CUBN: variants seen among roughly 807,000 people sequenced by gnomAD.
CUBN encodes 460 kDa receptor.
CUBN carries 282 observed loss-of-function variants against 405.3 expected under a neutral mutation model. That is an observed-to-expected ratio of 0.70 (90% confidence interval 0.63 to 0.77). CUBN has a LOEUF of 0.77. Among genes scored for constraint, CUBN ranks in the 30% least tolerant of loss-of-function variants. The pLI, the probability that CUBN is intolerant of heterozygous loss-of-function variation, is 0.00. For missense variants in CUBN, 4,514 were observed against 4,475.2 expected (o/e 1.01, Z -0.25); for synonymous variants, 1,684 against 1,617.0 (o/e 1.04, Z -0.99).
At chr10:16,910,516 T>C (rs1020844447) in intron 48 of CUBN, among the ~76,000 whole-genome samples, 3 of 152,092 alleles carry the variant, frequency 2.0e-5, no homozygotes, top group African/African-American at 7.2e-5. Flanking sequence ...AAAAGACCTG[T>C]GGATATGACA....
intron 55 of CUBN, among the ~76,000 whole-genome samples, chr10:16,889,500 T>C (rs1345336622): frequency 6.6e-6 from 1 of 152,152 alleles, no homozygotes; most frequent in Non-Finnish European, 1.5e-5. Flanking sequence ...TAGTGTACAA[T>C]AGCTAGAAAA....
At chr10:17,070,720 C>T (rs976451852) in intron 19 of CUBN, among the ~76,000 whole-genome samples, 3 of 152,250 alleles carry the variant, frequency 2.0e-5, no homozygotes, top group Non-Finnish European at 4.4e-5. Flanking sequence ...TCATAACCCA[C>T]AACTTGCTGA....
chr10:16,949,434 G>GGTTGTGT (rs1842866328), intron 34 of CUBN, among the ~76,000 whole-genome samples: 1 of 108,788 alleles, frequency 9.2e-6, no homozygotes. Context: ...TAAATGGCCT[G>GGTTGTGT]GTGTGTGTGT....
At chr10:17,037,944 T>TC in intron 27 of CUBN, among the ~76,000 whole-genome samples, 1 of 100,232 alleles carries the variant, frequency 1.0e-5, no homozygotes, top group East Asian at 2.0e-4. Flanking sequence ...ACAGTCACCT[T>TC]TTTTTTTTTT....
rs765301342 is a variant in CUBN at position 16,937,601 on chromosome 10, TGGTA to T, written c.5913_5916del (p.Thr1972LeufsTer10). The T allele has an allele frequency of 1.3e-4, 207 of 1,613,686 alleles. 1 individual carries two copies. The highest frequency in any genetic ancestry group is 1.6e-4 in the Non-Finnish European group (190 of 1,179,806). On this transcript the variant is annotated frameshift_variant, in exon 39 of 67. Coordinates refer to ENST00000377833, the MANE Select transcript of CUBN (RefSeq NM_001081.4). LOFTEE classifies it high-confidence loss of function. ...TTATTACCAAACACACCTGGAGCAA[TGGTA>T]GGTAAAACACCATCAGGTGCATCCA...
At chr10:17,107,367 C>G (rs1404328242) in intron 10 of CUBN, among the ~76,000 whole-genome samples, 2 of 152,070 alleles carry the variant, frequency 1.3e-5, no homozygotes, top group Non-Finnish European at 2.9e-5. Flanking sequence ...TGGCAGTTAA[C>G]TACATTCCTC....
intron 62 of CUBN, 115 bp downstream of exon 62, chr10:16,840,215 A>C: frequency 1.1e-6 from 1 of 880,666 alleles, no homozygotes; most frequent in East Asian, 2.6e-5. Context: ...CTAAAACTTA[A>C]AGTATAATTA....
At chr10:17,006,379 C>G (rs1465345937) in intron 28 of CUBN, among the ~76,000 whole-genome samples, 1 of 152,152 alleles carries the variant, frequency 6.6e-6, no homozygotes, top group African/African-American at 2.4e-5. Flanking sequence ...CTTACTCACC[C>G]TCACACCCTA....
Position 17,084,312 on chromosome 10 carries a change from C to T in CUBN, c.2260G>A (p.Glu754Lys). The change falls in exon 17 of 67, where the codon GAG becomes AAG. Residue 754 changes from glutamate (E) to lysine (K), a missense_variant. Around this residue, in one of 5 missense-constraint regions of CUBN, gnomAD observed 1,448 missense variants for 1,388.0 expected, o/e 1.04. Transcript: ENST00000377833. ...EQIQINFTHV[E>K]LQCQSDSSQN... ...GAACTGTCACTCTGGCATTGCAGCT[C>T]CACGTGGGTGAAGTTGATTTGTATT... The T allele has an allele frequency of 1.2e-6, 2 of 1,614,102 alleles. No individual in the cohort carries two copies. Among genetic ancestry groups the T allele is most frequent in the Non-Finnish European group, 1.7e-6 (2 of 1,180,024 alleles).
intron 54 of CUBN, among the ~76,000 whole-genome samples, chr10:16,894,123 AG>A (rs1564408249): frequency 1.3e-5 from 2 of 152,214 alleles, no homozygotes; most frequent in African/African-American, 2.4e-5. Context: ...TATTTTACAT[AG>A]TAGTACATTG....
intron 31 of CUBN, among the ~76,000 whole-genome samples, chr10:16,973,379 T>C (rs764090131): frequency 4.6e-5 from 7 of 152,198 alleles, no homozygotes; most frequent in Non-Finnish European, 1.0e-4. Flanking sequence ...GCCCTAGATA[T>C]GCTAAATCCT....
chr10:16,839,714 G>A (rs1839282025), intron 62 of CUBN, among the ~76,000 whole-genome samples: 1 of 145,852 alleles, frequency 6.9e-6, no homozygotes, highest in African/African-American at 2.4e-5. Flanking sequence ...TCCCATTACT[G>A]GGTATATACC....
chr10:16,868,415 G>A (rs1001964309), intron 59 of CUBN, among the ~76,000 whole-genome samples: 2 of 152,188 alleles, frequency 1.3e-5, no homozygotes, highest in Admixed American at 6.5e-5. Flanking sequence ...GTGAATCAGG[G>A]TTATTATTAC....
chr10:17,054,972 G>T (rs116378295), intron 22 of CUBN, among the ~76,000 whole-genome samples: 1,718 of 152,000 alleles, frequency 0.011, 44 homozygotes, highest in African/African-American at 0.039. Context: ...TACCAAACCA[G>T]ACAAAGAAAT....
At chr10:16,917,129 T>C (rs1159141654) in intron 45 of CUBN, among the ~76,000 whole-genome samples, 1 of 152,060 alleles carries the variant, frequency 6.6e-6, no homozygotes, top group East Asian at 1.9e-4. Context: ...TTGCTTTTTA[T>C]CCAGTGACTG....
At chr10:16,850,959 C>T (rs545793726) in intron 60 of CUBN, among the ~76,000 whole-genome samples, 30 of 152,294 alleles carry the variant, frequency 2.0e-4, no homozygotes, top group Non-Finnish European at 3.4e-4. Flanking sequence ...TCCTATAGAT[C>T]GTCTTTTGCA....
At chr10:16,908,817 T>C (rs1841633580) in intron 48 of CUBN, among the ~76,000 whole-genome samples, 1 of 151,580 alleles carries the variant, frequency 6.6e-6, no homozygotes, top group Non-Finnish European at 1.5e-5. Flanking sequence ...ACTCAGACTA[T>C]GGCACTAACA....
At chr10:17,106,142 A>T (rs570747336) in intron 10 of CUBN, among the ~76,000 whole-genome samples, 45 of 151,694 alleles carry the variant, frequency 3.0e-4, no homozygotes, top group African/African-American at 1.1e-3. Flanking sequence ...AAAATTAGCC[A>T]GGCATGGTGG....
rs533475647 is a variant in CUBN at position 17,023,043 on chromosome 10, C to G, written c.4018-3060G>C. Among the ~76,000 whole-genome samples, 4 of 152,290 alleles carry G rather than the reference C, an allele frequency of 2.6e-5. No homozygotes were observed. In the East Asian group the frequency reaches 5.8e-4, roughly 22 times the overall value. ...GTCATGAACAGCATAGCATTTTTGC[C>G]TGTCAGCTCTGCAAGATTAAGAAAT... is the stretch of plus-strand genomic sequence containing the variant. On this transcript the variant is annotated intron_variant, in intron 27 of 66. Transcript: ENST00000377833.
Sources: gnomAD v4.1 joint callset for allele counts (sites outside exome capture counted in the v4.1 genomes callset) on GRCh38, gnomAD v4.1.1 for gene constraint, gnomAD v4.1.1 regional missense constraint, MANE v1.5 for transcripts, NCBI Gene and HGNC (gene_info 2026-07-23, HGNC 2026-07-21) for gene names.